Variants in HS3ST4 observed in about 807,000 individuals in gnomAD.
The protein encoded by HS3ST4 is heparan sulfate-glucosamine 3-sulfotransferase 4.
A neutral mutation model predicts 29.2 loss-of-function variants in HS3ST4; 17 were observed. That is an observed-to-expected ratio of 0.58 (90% confidence interval 0.40 to 0.87). The LOEUF (loss-of-function observed/expected upper bound fraction) is 0.87. HS3ST4 is among the 40% of genes least tolerant of loss of function. The probability of loss-of-function intolerance (pLI) is 0.00; values close to 1 mark genes in which losing one functional copy is unlikely to be tolerated. For missense variants in HS3ST4, 627 were observed against 634.5 expected (o/e 0.99, Z 0.13); for synonymous variants, 314 against 285.7 (o/e 1.10, Z -1.00).
intron 1 of HS3ST4, among the ~76,000 whole-genome samples, chr16:25,985,036 C>G (rs960678823): frequency 6.6e-6 from 1 of 152,178 alleles, no homozygotes; most frequent in Non-Finnish European, 1.5e-5. Flanking sequence ...ACATAGTTAT[C>G]GAGAGTGCTG....
intron 1 of HS3ST4, among the ~76,000 whole-genome samples, chr16:25,710,037 T>A (rs190097781): frequency 9.1e-4 from 139 of 152,310 alleles, no homozygotes; most frequent in Middle Eastern, 3.4e-3. Context: ...CTAGATAGCC[T>A]AGAATTTCTA....
intron 1 of HS3ST4, among the ~76,000 whole-genome samples, chr16:26,044,529 G>A (rs1898242944): frequency 6.6e-6 from 1 of 152,176 alleles, no homozygotes; most frequent in South Asian, 2.1e-4. Flanking sequence ...TCCTGCACTT[G>A]GGTCTTTTCC....
chr16:26,119,713 A>G (rs1213878342), intron 1 of HS3ST4, among the ~76,000 whole-genome samples: 1 of 151,696 alleles, frequency 6.6e-6, no homozygotes, highest in African/African-American at 2.4e-5. Flanking sequence ...GCTTTTCATT[A>G]TTTCTTCCAT....
At chr16:25,785,398 C>G (rs927781426) in intron 1 of HS3ST4, among the ~76,000 whole-genome samples, 1 of 152,126 alleles carries the variant, frequency 6.6e-6, no homozygotes, top group Admixed American at 6.5e-5. Context: ...TCCCTGACCT[C>G]GAAGCATGTG....
chr16:26,082,344 T>G (rs2141783413), intron 1 of HS3ST4, among the ~76,000 whole-genome samples: 1 of 152,324 alleles, frequency 6.6e-6, no homozygotes, highest in South Asian at 2.1e-4. Flanking sequence ...ACCCTCTGTT[T>G]CTTTAACCAT....
At position 25,760,114 on chromosome 16, in the gene HS3ST4, C is replaced by T. The variant is rs531979138; in HGVS notation, c.734+66963C>T. Among the ~76,000 whole-genome samples, 32 of 152,160 alleles carry T rather than the reference C, an allele frequency of 2.1e-4. 1 individual carries two copies. The highest frequency in any genetic ancestry group is 2.8e-4 in the Non-Finnish European group (19 of 67,996). On this transcript the variant is annotated intron_variant, in intron 1 of 1. Coordinates refer to ENST00000331351, the MANE Select transcript of HS3ST4 (RefSeq NM_006040.3). ...AGGGCTGCCATAGCCCTAACCCTAA[C>T]CCTAACCCTAACCCTAACTCTAACC...
chr16:25,906,545 G>A (rs888918860), intron 1 of HS3ST4, among the ~76,000 whole-genome samples: 3 of 152,114 alleles, frequency 2.0e-5, no homozygotes, highest in Admixed American at 2.0e-4. Context: ...ACTGAGGGAA[G>A]AAAGTCAATA....
At chr16:25,900,599 A>G (rs1968111806) in intron 1 of HS3ST4, among the ~76,000 whole-genome samples, 2 of 152,160 alleles carry the variant, frequency 1.3e-5, no homozygotes, top group Non-Finnish European at 2.9e-5. Context: ...ATGCAATACA[A>G]CAACATTGGG....
chr16:26,103,601 C>T (rs1172676107), intron 1 of HS3ST4, among the ~76,000 whole-genome samples: 2 of 152,148 alleles, frequency 1.3e-5, no homozygotes, highest in Non-Finnish European at 2.9e-5. Context: ...TTTATTCCTT[C>T]AAAGGAACCT....
intron 1 of HS3ST4, chr16:26,025,334 C>G (rs894252702): frequency 1.3e-5 from 2 of 154,366 alleles, no homozygotes; most frequent in African/African-American, 2.4e-5. Flanking sequence ...GCCAAGTCTC[C>G]TTGCACTTTC....
chr16:26,066,515 CCTT>C (rs1398967221), intron 1 of HS3ST4, among the ~76,000 whole-genome samples: 2 of 152,196 alleles, frequency 1.3e-5, no homozygotes, highest in Non-Finnish European at 2.9e-5. Flanking sequence ...TCAGTCCCTT[CCTT>C]CTTCTTTCCT....
At chr16:26,054,269 G>GGAGAAAGA (rs1555481159) in intron 1 of HS3ST4, among the ~76,000 whole-genome samples, 173 of 133,736 alleles carry the variant, frequency 1.3e-3, no homozygotes, top group African/African-American at 4.5e-3. Flanking sequence ...ACAGAGAGAG[G>GGAGAAAGA]GAGAGAGAGA....
At chr16:25,864,598 A>G (rs1166339479) in intron 1 of HS3ST4, among the ~76,000 whole-genome samples, 2 of 151,886 alleles carry the variant, frequency 1.3e-5, no homozygotes, top group African/African-American at 4.8e-5. Flanking sequence ...CTCCTCTTCT[A>G]TGGGTTCCAC....
At position 25,996,278 on chromosome 16, in the gene HS3ST4, A is replaced by C. The variant is rs149367558; in HGVS notation, c.735-139334A>C. ...TTCTATGTACCCTTCCTCCTCCACCAGAGGGCCAGGGTAAAACTGAGGACA... is the reference window on the plus strand; with the variant it reads ...TTCTATGTACCCTTCCTCCTCCACCCGAGGGCCAGGGTAAAACTGAGGACA... On this transcript the variant is annotated intron_variant, in intron 1 of 1. Coordinates refer to ENST00000331351, the MANE Select transcript of HS3ST4 (RefSeq NM_006040.3). Among the ~76,000 whole-genome samples the C allele has an allele frequency of 4.6e-3, 705 of 152,304 alleles. 6 individuals are homozygous for C. The highest frequency in any genetic ancestry group is 0.016 in the African/African-American group (646 of 41,572).
chr16:25,971,013 T>G (rs56113822), intron 1 of HS3ST4, among the ~76,000 whole-genome samples: 13,334 of 151,764 alleles, frequency 0.088, 759 homozygotes, highest in Non-Finnish European at 0.12. Flanking sequence ...ACCATGCCTG[T>G]CTATTTTTTG....
intron 1 of HS3ST4, among the ~76,000 whole-genome samples, chr16:26,069,165 T>C (rs1898573802): frequency 6.6e-6 from 1 of 152,162 alleles, no homozygotes; most frequent in Non-Finnish European, 1.5e-5. Flanking sequence ...TTGCCCAGAC[T>C]GGTCTCAAAC....
chr16:25,933,526 T>C, intron 1 of HS3ST4: 1 of 403,434 alleles, frequency 2.5e-6, no homozygotes, highest in Non-Finnish European at 4.9e-6. Flanking sequence ...CTTTATGAAC[T>C]CTCTGGCAGT....
chr16:25,739,268 G>GGA (rs1300364126), intron 1 of HS3ST4, among the ~76,000 whole-genome samples: 1 of 152,134 alleles, frequency 6.6e-6, no homozygotes, highest in African/African-American at 2.4e-5. Flanking sequence ...CTTGAGCCTG[G>GGA]GAGGCGGAGG....
chr16:25,986,672 C>T (rs1969066840), intron 1 of HS3ST4, among the ~76,000 whole-genome samples: 1 of 152,172 alleles, frequency 6.6e-6, no homozygotes, highest in Non-Finnish European at 1.5e-5. Context: ...AGCAAATTAG[C>T]CGAGGCCATT....
Sources: gnomAD v4.1 joint callset for allele counts (sites outside exome capture counted in the v4.1 genomes callset) on GRCh38, gnomAD v4.1.1 for gene constraint, MANE v1.5 for transcripts, NCBI Gene and HGNC (gene_info 2026-07-23, HGNC 2026-07-21) for gene names.